LTBP1: variants seen among roughly 807,000 people sequenced by gnomAD.
The protein encoded by LTBP1 is latent transforming growth factor beta binding protein 1.
A neutral mutation model predicts 207.6 loss-of-function variants in LTBP1; 129 were observed. The observed-to-expected ratio is 0.62, with a 90% CI of 0.54 to 0.72. The LOEUF is 0.72. LTBP1 is among the 30% of genes least tolerant of loss of function. The probability of loss-of-function intolerance (pLI) is 0.00; values close to 1 mark genes in which losing one functional copy is unlikely to be tolerated. For missense variants in LTBP1, 2,281 were observed against 2,217.2 expected (o/e 1.03, Z -0.58); for synonymous variants, 963 against 833.7 (o/e 1.16, Z -2.67).
intron 10 of LTBP1, among the ~76,000 whole-genome samples, chr2:33,248,129 G>A (rs985940501): frequency 2.0e-5 from 3 of 152,204 alleles, no homozygotes; most frequent in Non-Finnish European, 4.4e-5. Flanking sequence ...ACCGTGGCCC[G>A]GAGGTGAGAC....
At chr2:33,304,524 G>A (rs898757798) in intron 22 of LTBP1, among the ~76,000 whole-genome samples, 1 of 152,168 alleles carries the variant, frequency 6.6e-6, no homozygotes, top group African/African-American at 2.4e-5. Flanking sequence ...CAAGTGTTGT[G>A]CCTGCTTCTG....
At chr2:33,154,587 G>T (rs1293438123) in intron 5 of LTBP1, among the ~76,000 whole-genome samples, 1 of 152,142 alleles carries the variant, frequency 6.6e-6, no homozygotes, top group African/African-American at 2.4e-5. Flanking sequence ...TATTGAACTG[G>T]ACTGAATTGT....
At position 33,347,516 on chromosome 2, in the gene LTBP1, T is replaced by A. The variant is rs2094720313; in HGVS notation, c.4000+6T>A. 6.2e-7 allele frequency: 1 copy of A among 1,613,888 alleles called. No individual in the cohort carries two copies. The highest frequency in any genetic ancestry group is 1.3e-5 in the African/African-American group (1 of 74,920). ...CCGCTCCCGGACCTCCACAGGTAAG[T>A]CCCAGTGACACTGTGCAAGGGAATG... is the stretch of plus-strand genomic sequence containing the variant. On this transcript the variant is annotated splice_donor_region_variant and intron_variant, in intron 26 of 33. Coordinates refer to ENST00000404816, the MANE Select transcript of LTBP1 (RefSeq NM_206943.4).
rs70938398 is a variant in LTBP1, at chr2:33,382,074, CTTTTTTTTTTTTTTTTTTT to C, written c.4712-7090_4712-7072del. ...TACAGCAGTTAGCGCCCTACTGCTT[CTTTTTTTTTTTTTTTTTTT>C]TTTTTTTTTTTTTTTTTTTGAGACA... On this transcript the variant is annotated intron_variant, in intron 31 of 33. Transcript: ENST00000404816. Among the ~76,000 whole-genome samples, 141 of 46,778 alleles carry C rather than the reference CTTTTTTTTTTTTTTTTTTT, an allele frequency of 3.0e-3. 2 individuals are homozygous for C. The East Asian group carries it at 0.037, about 12-fold the overall frequency. 30.7% of individuals were successfully genotyped at this position (46,778 alleles called of 152,430 possible).
At chr2:33,325,152 C>G (rs1468791281) in intron 24 of LTBP1, among the ~76,000 whole-genome samples, 1 of 152,186 alleles carries the variant, frequency 6.6e-6, no homozygotes, top group Non-Finnish European at 1.5e-5. Context: ...GTAGTTCCAG[C>G]TTTAAGTCAT....
At chr2:32,948,759 C>G (rs1177330443) in intron 1 of LTBP1, 116 bp from the exon 2 acceptor site, 3 of 967,924 alleles carry the variant, frequency 3.1e-6, no homozygotes, top group Non-Finnish European at 5.0e-6. Context: ...AGGACTCTCT[C>G]TCATCCAGAG....
intron 5 of LTBP1, among the ~76,000 whole-genome samples, chr2:33,180,917 C>G (rs922590597): frequency 6.6e-6 from 1 of 152,168 alleles, no homozygotes; most frequent in African/African-American, 2.4e-5. Context: ...CAAGGGATAT[C>G]AACAAAAATG....
chr2:33,280,486 G>A (rs1420148483), intron 19 of LTBP1, among the ~76,000 whole-genome samples: 1 of 152,034 alleles, frequency 6.6e-6, no homozygotes, highest in Admixed American at 6.6e-5. Context: ...GAGAGAAGAA[G>A]CATCTACCAC....
chr2:33,050,951 C>G (rs1558565470), intron 3 of LTBP1, among the ~76,000 whole-genome samples: 1 of 152,076 alleles, frequency 6.6e-6, no homozygotes. Flanking sequence ...TCTCGAACTC[C>G]TGACCTTGTG....
At chr2:33,292,538 T>A (rs1345175028) in intron 19 of LTBP1, among the ~76,000 whole-genome samples, 2 of 152,232 alleles carry the variant, frequency 1.3e-5, no homozygotes, top group African/African-American at 2.4e-5. Context: ...AATGCCCACA[T>A]GTAGCAAGTG....
intron 2 of LTBP1, among the ~76,000 whole-genome samples, chr2:32,952,381 A>G (rs1209089949): frequency 6.6e-6 from 1 of 152,222 alleles, no homozygotes; most frequent in East Asian, 1.9e-4. Context: ...GTTGCATGTT[A>G]ATGTTCCTTT....
At chr2:33,353,781 G>C (rs1221983849) in intron 26 of LTBP1, among the ~76,000 whole-genome samples, 2 of 151,672 alleles carry the variant, frequency 1.3e-5, no homozygotes, top group African/African-American at 2.4e-5. Context: ...ACTCATCTTG[G>C]TAGTTCTGAC....
At chr2:33,243,134 C>G (rs549848061) in intron 9 of LTBP1, among the ~76,000 whole-genome samples, 1 of 152,300 alleles carries the variant, frequency 6.6e-6, no homozygotes, top group South Asian at 2.1e-4. Flanking sequence ...ACTCTAAAGC[C>G]TTACCTCCTC....
chr2:33,227,282 C>T (rs2149492452), intron 9 of LTBP1, among the ~76,000 whole-genome samples: 1 of 152,144 alleles, frequency 6.6e-6, no homozygotes, highest in East Asian at 1.9e-4. Context: ...CCGTCTCCAC[C>T]TCCAGAAGTG....
intron 5 of LTBP1, among the ~76,000 whole-genome samples, chr2:33,175,290 T>C (rs1433470361): frequency 6.6e-6 from 1 of 151,604 alleles, no homozygotes; most frequent in Non-Finnish European, 1.5e-5. Flanking sequence ...GAATCTACAA[T>C]GAACTCAAAC....
intron 9 of LTBP1, among the ~76,000 whole-genome samples, chr2:33,230,295 A>G (rs928444465): frequency 1.3e-5 from 2 of 152,202 alleles, no homozygotes; most frequent in Admixed American, 1.3e-4. Flanking sequence ...ACTAATGTGC[A>G]CTCAGTAACA....
chr2:33,175,246 G>A (rs1476798462), intron 5 of LTBP1, among the ~76,000 whole-genome samples: 3 of 151,572 alleles, frequency 2.0e-5, no homozygotes, highest in East Asian at 3.9e-4. Flanking sequence ...GAAAATTTTT[G>A]CAACCTACTC....
intron 7 of LTBP1, among the ~76,000 whole-genome samples, chr2:33,204,464 T>C (rs922161608): frequency 6.6e-6 from 1 of 152,252 alleles, no homozygotes; most frequent in Non-Finnish European, 1.5e-5. Flanking sequence ...AAGAGAGCAA[T>C]GCCTCCAAGA....
At chr2:33,379,731 TCTTA>T (rs1378922019) in intron 31 of LTBP1, among the ~76,000 whole-genome samples, 3 of 152,370 alleles carry the variant, frequency 2.0e-5, no homozygotes, top group South Asian at 4.1e-4. Context: ...TGCAGTGATG[TCTTA>T]CTTCCTGTTA....
Sources: gnomAD v4.1 joint callset for allele counts (sites outside exome capture counted in the v4.1 genomes callset) on GRCh38, gnomAD v4.1.1 for gene constraint, MANE v1.5 for transcripts, NCBI Gene and HGNC (gene_info 2026-07-23, HGNC 2026-07-21) for gene names.